KCNK10: variants seen among roughly 807,000 people sequenced by gnomAD.
KCNK10 encodes the protein potassium two pore domain channel subfamily K member 10.
A neutral mutation model predicts 47.7 loss-of-function variants in KCNK10; 25 were observed. That is an observed-to-expected ratio of 0.52 (90% CI 0.38 to 0.73). The LOEUF is 0.73. Ranked by LOEUF, KCNK10 falls within the 30% of genes least tolerant of loss-of-function variation. The pLI, the probability that KCNK10 is intolerant of heterozygous loss-of-function variation, is 0.00. For synonymous variants in KCNK10, 303 were observed against 285.6 expected (o/e 1.06, Z -0.61); for missense variants, 563 against 714.5 (o/e 0.79, Z 2.42).
At position 88,323,009 on chromosome 14, in the gene KCNK10, CA is replaced by C. The variant is rs1163144487; in HGVS notation, c.-212del. ...AGAGGGCTTGGGTGTTTGCACCGGC[CA>C]GGGGGTGGCCGGCCGCGGCCCCGTG... On this transcript the variant is annotated 5_prime_UTR_variant, in exon 1 of 7. Coordinates refer to ENST00000319231, the MANE Select transcript of KCNK10 (RefSeq NM_138317.3). 13 of 1,376,268 alleles carry C rather than the reference CA, an allele frequency of 9.4e-6. No homozygotes were observed. Among genetic ancestry groups the C allele is most frequent in the African/African-American group, 1.5e-5 (1 of 68,232 alleles). 85.3% of individuals were successfully genotyped at this position (1,376,268 alleles called of 1,614,324 possible).
chr14:88,291,887 G>C (rs575431735), intron 1 of KCNK10, among the ~76,000 whole-genome samples: 1 of 152,050 alleles, frequency 6.6e-6, no homozygotes, highest in African/African-American at 2.4e-5. Flanking sequence ...GGGGTCAGAA[G>C]CTACATCAAA....
Position 88,182,492 on chromosome 14 carries a change from A to G in KCNK10, c.*3043T>C, listed in dbSNP as rs1445472669. 1 of 152,352 alleles carries G rather than the reference A, an allele frequency of 6.6e-6. No homozygotes were observed. Among genetic ancestry groups the G allele is most frequent in the Non-Finnish European group, 1.5e-5 (1 of 68,022 alleles). 9.4% of individuals were successfully genotyped at this position (152,352 alleles called of 1,614,324 possible). A position where few individuals can be genotyped will look rare whatever the true frequency, so the allele number is the denominator to read the frequency against. ...GCCTCCTCCAAAATTAGTTTATATG[A>G]AGAGGAATCCAACCTCTTATTCTCT... On this transcript the variant is annotated 3_prime_UTR_variant, in exon 7 of 7. Transcript: ENST00000319231.
At chr14:88,255,343 AC>A (rs2139909518) in intron 2 of KCNK10, among the ~76,000 whole-genome samples, 1 of 152,206 alleles carries the variant, frequency 6.6e-6, no homozygotes, top group East Asian at 1.9e-4. Context: ...CTGGACTTGG[AC>A]AAGTTATTTA....
intron 3 of KCNK10, 130 bp downstream of exon 3, chr14:88,240,573 A>C (rs1566698435): frequency 9.6e-6 from 6 of 625,144 alleles, no homozygotes; most frequent in Non-Finnish European, 1.2e-5. Context: ...GCATTAATTT[A>C]AACGACAGTG....
intron 2 of KCNK10, among the ~76,000 whole-genome samples, chr14:88,255,943 A>G (rs1886942919): frequency 6.6e-6 from 1 of 152,254 alleles, no homozygotes; most frequent in South Asian, 2.1e-4. Flanking sequence ...CACTTAGAAC[A>G]GAGTCTAGAG....
At chr14:88,321,680 A>T (rs1888550437) in intron 1 of KCNK10, among the ~76,000 whole-genome samples, 1 of 152,266 alleles carries the variant, frequency 6.6e-6, no homozygotes, top group Non-Finnish European at 1.5e-5. Flanking sequence ...TTCAATAGCC[A>T]GTCAATTCCT....
At position 88,226,139 on chromosome 14, in the gene KCNK10, T is replaced by C. The variant is rs183284130; in HGVS notation, c.681+1236A>G. 1.0e-3 allele frequency among the ~76,000 whole-genome samples: 157 copies of C among 152,338 alleles called. 2 individuals are homozygous for C. Among genetic ancestry groups the C allele is most frequent in the Middle Eastern group, 6.8e-3 (2 of 294 alleles). On this transcript the variant is annotated intron_variant, in intron 4 of 6. Coordinates refer to ENST00000319231, the MANE Select transcript of KCNK10 (RefSeq NM_138317.3). ...AAGCTCTTTTCCACACATCATTTCATTTAATCATCACCAAAACCTGACAAA... is the reference window on the plus strand; with the variant it reads ...AAGCTCTTTTCCACACATCATTTCACTTAATCATCACCAAAACCTGACAAA...
chr14:88,263,139 G>T, intron 2 of KCNK10, 63 bp downstream of exon 2: 1 of 1,359,542 alleles, frequency 7.4e-7, no homozygotes, highest in Non-Finnish European at 1.0e-6. Context: ...GACCCAGAAA[G>T]ATAAAACCAA....
upstream of KCNK10, chr14:88,326,288 A>C (rs1888661483): frequency 4.3e-6 from 3 of 690,642 alleles, no homozygotes; most frequent in Non-Finnish European, 7.6e-6. Context: ...GCGTATTTGG[A>C]GTGGACTGCA....
intron 4 of KCNK10, among the ~76,000 whole-genome samples, chr14:88,220,769 C>A (rs140790421): frequency 7.2e-5 from 11 of 151,980 alleles, no homozygotes; most frequent in African/African-American, 2.7e-4. Flanking sequence ...TAGAAGGTAA[C>A]ATAGGAAGAA....
At chr14:88,224,109 A>G (rs985815814) in intron 4 of KCNK10, among the ~76,000 whole-genome samples, 1 of 152,204 alleles carries the variant, frequency 6.6e-6, no homozygotes, top group South Asian at 2.1e-4. Flanking sequence ...TGGCACCTTT[A>G]CTTTTACCTT....
intron 4 of KCNK10, among the ~76,000 whole-genome samples, chr14:88,196,135 C>T (rs1884905723): frequency 1.3e-5 from 2 of 152,238 alleles, no homozygotes; most frequent in South Asian, 2.1e-4. Context: ...TTCTTCCCTT[C>T]TCTTTACACA....
At chr14:88,294,344 C>G (rs968073559) in intron 1 of KCNK10, among the ~76,000 whole-genome samples, 1 of 152,244 alleles carries the variant, frequency 6.6e-6, no homozygotes, top group Admixed American at 6.5e-5. Context: ...GGGTCTGCAG[C>G]CTTTGGCAGC....
At chr14:88,282,544 T>C (rs1887672720) in intron 1 of KCNK10, among the ~76,000 whole-genome samples, 1 of 152,194 alleles carries the variant, frequency 6.6e-6, no homozygotes. Flanking sequence ...AGCTGAGGCT[T>C]AGAAGACACC....
At position 88,181,287 on chromosome 14, in the gene KCNK10, T is replaced by C. The variant is rs1234946825; in HGVS notation, c.*4248A>G. 6.5e-6 allele frequency: 1 copy of C among 153,962 alleles called. No homozygotes were observed. The highest frequency in any genetic ancestry group is 1.9e-4 in the East Asian group (1 of 5,374). The allele number at this position is 153,962 out of a possible 1,614,324, so 9.5% of individuals were successfully genotyped here. ...GCATTGACGAAGCCAGGAAATGATA[T>C]CATCTCAGAGGGAGGCAAGGGGGCA... On this transcript the variant is annotated 3_prime_UTR_variant, in exon 7 of 7. Coordinates refer to ENST00000319231, the MANE Select transcript of KCNK10 (RefSeq NM_138317.3).
intron 1 of KCNK10, among the ~76,000 whole-genome samples, chr14:88,278,221 T>A (rs183267821): frequency 6.6e-6 from 1 of 152,310 alleles, no homozygotes; most frequent in Non-Finnish European, 1.5e-5. Flanking sequence ...ATGGATCATA[T>A]AGAAGTCTGC....
chr14:88,302,700 A>G (rs181139448), intron 1 of KCNK10, among the ~76,000 whole-genome samples: 1 of 152,272 alleles, frequency 6.6e-6, no homozygotes, highest in Non-Finnish European at 1.5e-5. Flanking sequence ...ACAGAGAGAG[A>G]TTTTGTCTCA....
At chr14:88,249,564 T>A (rs973427416) in intron 2 of KCNK10, among the ~76,000 whole-genome samples, 3 of 152,174 alleles carry the variant, frequency 2.0e-5, no homozygotes, top group African/African-American at 7.2e-5. Context: ...GCTACTGGGC[T>A]GTAACTATCC....
At chr14:88,243,192 A>G (rs1290868777) in intron 2 of KCNK10, among the ~76,000 whole-genome samples, 1 of 152,262 alleles carries the variant, frequency 6.6e-6, no homozygotes, top group Non-Finnish European at 1.5e-5. Flanking sequence ...GGAAAAGGGA[A>G]CTAACAGTTG....
Sources: gnomAD v4.1 joint callset for allele counts (sites outside exome capture counted in the v4.1 genomes callset) on GRCh38, gnomAD v4.1.1 for gene constraint, MANE v1.5 for transcripts, NCBI Gene and HGNC (gene_info 2026-07-23, HGNC 2026-07-21) for gene names.